BBC3: variants seen among roughly 807,000 people sequenced by gnomAD.
BBC3 encodes the protein BCL2 binding component 3, also known as bcl-2-binding component 3.
A neutral mutation model predicts 18.2 loss-of-function variants in BBC3; 5 were observed. The observed-to-expected ratio is 0.27, with a 90% CI of 0.14 to 0.58. BBC3 has a LOEUF of 0.58. Among genes scored for constraint, BBC3 ranks in the 20% least tolerant of loss-of-function variants. BBC3 has a pLI of 0.91. For synonymous variants in BBC3, 119 were observed against 128.0 expected (o/e 0.93, Z 0.47); for missense variants, 224 against 268.9 (o/e 0.83, Z 1.17).
Position 47,231,188 on chromosome 19 carries a change from G to C in BBC3, c.-275C>G. ...CCAGGCGCCCGCTCGCATGTGGCTC[G>C]CGCCGCGTCTCAGGCCGCCCGGCGG... On this transcript the variant is annotated 5_prime_UTR_variant, in exon 1 of 4. Transcript: ENST00000439096. The surrounding 1 kb of genome is among the most constrained non-coding windows in gnomAD (Gnocchi z 4.0). The C allele has an allele frequency of 1.0e-6, 1 of 983,400 alleles. No homozygotes were observed. The highest frequency in any genetic ancestry group is 1.8e-5 in the African/African-American group (1 of 56,994). 60.9% of individuals were successfully genotyped at this position (983,400 alleles called of 1,614,324 possible). A position where few individuals can be genotyped will look rare whatever the true frequency, so the allele number is the denominator to read the frequency against.
chr19:47,228,551 G>T lies in BBC3; in HGVS notation c.-15-105C>A. ...CCCAGATGGAGAAGAGTGGAGGTGT[G>T]TGTGCATGCGGAGGGGGTGACGGCC... On this transcript the variant is annotated intron_variant, in intron 1 of 3. Coordinates refer to ENST00000439096, the MANE Select transcript of BBC3 (RefSeq NM_014417.5). The surrounding 1 kb of genome is among the most constrained non-coding windows in gnomAD (Gnocchi z 5.5). 1 of 1,088,556 alleles carries T rather than the reference G, an allele frequency of 9.2e-7. No individual in the cohort carries two copies. Among genetic ancestry groups the T allele is most frequent in the Non-Finnish European group, 1.2e-6 (1 of 859,972 alleles). 67.4% of individuals were successfully genotyped at this position (1,088,556 alleles called of 1,614,324 possible).
Position 47,221,541 on chromosome 19 carries a change from C to T in BBC3, c.*261G>A, listed in dbSNP as rs914708259. On this transcript the variant is annotated 3_prime_UTR_variant, in exon 4 of 4. Transcript: ENST00000439096. Reference sequence around the variant, plus strand: ...GCTCAGTCCCCACCCCCTCGGTCACCGCCACCTTCCGATGCTGAGTCCATC... The same window carrying T: ...GCTCAGTCCCCACCCCCTCGGTCACTGCCACCTTCCGATGCTGAGTCCATC... 49 of 663,464 alleles carry T rather than the reference C, an allele frequency of 7.4e-5. No individual in the cohort carries two copies. Among genetic ancestry groups the T allele is most frequent in the Non-Finnish European group, 4.6e-5 (19 of 415,122 alleles). The allele number at this position is 663,464 out of a possible 1,614,324, so 41.1% of individuals were successfully genotyped here. A position where few individuals can be genotyped will look rare whatever the true frequency, so the allele number is the denominator to read the frequency against.
In BBC3 at chr19:47,228,375, G is replaced by A; in HGVS notation, c.57C>T (p.Arg19=). Residue 19 remains arginine, a synonymous_variant, in exon 2 of 4, where the codon CGC becomes CGT. Coordinates refer to ENST00000439096, the MANE Select transcript of BBC3 (RefSeq NM_014417.5). The surrounding 1 kb of genome is among the most constrained non-coding windows in gnomAD (Gnocchi z 5.5). ...SSPEPVEGLA[R]DGPRPFPLGR... ...CGAGCGGGAAGGGGCGCGGGCCGTC[G>A]CGGGCCAGGCCCTCTACGGGCTCCG... The A allele has an allele frequency of 8.1e-7, 1 of 1,231,380 alleles. No homozygotes were observed. Among genetic ancestry groups the A allele is most frequent in the Non-Finnish European group, 1.0e-6 (1 of 987,824 alleles). 76.3% of individuals were successfully genotyped at this position (1,231,380 alleles called of 1,614,324 possible). A position where few individuals can be genotyped will look rare whatever the true frequency, so the allele number is the denominator to read the frequency against.
intron 3 of BBC3, among the ~76,000 whole-genome samples, chr19:47,225,662 T>C (rs2058806544): frequency 1.3e-5 from 2 of 152,124 alleles, no homozygotes; most frequent in Admixed American, 1.3e-4. Flanking sequence ...TGGCTGAACA[T>C]AGATGAATGG....
At position 47,221,778 on chromosome 19, in the gene BBC3, C is replaced by T. The variant is rs765552886; in HGVS notation, c.*24G>A. ...AGGGGCCTGCCCCCCGAGTCCCTGA[C>T]GTCCACCGGGCGGGTGCAGGCACCT... On this transcript the variant is annotated 3_prime_UTR_variant, in exon 4 of 4. Coordinates refer to ENST00000439096, the MANE Select transcript of BBC3 (RefSeq NM_014417.5). 1.1e-5 allele frequency: 17 copies of T among 1,608,246 alleles called. No homozygotes were observed. Among genetic ancestry groups the T allele is most frequent in the East Asian group, 4.5e-5 (2 of 44,790 alleles).
intron 3 of BBC3, among the ~76,000 whole-genome samples, chr19:47,225,420 C>G (rs2058802924): frequency 1.3e-5 from 2 of 151,832 alleles, no homozygotes; most frequent in South Asian, 4.2e-4. Context: ...TTCAGTGACC[C>G]TTCATGGCTC....
rs905043497 is a variant in BBC3 at position 47,230,400 on chromosome 19, G to A, written c.-16+529C>T. Among the ~76,000 whole-genome samples, 5 of 148,742 alleles carry A rather than the reference G, an allele frequency of 3.4e-5. No individual in the cohort carries two copies. Among genetic ancestry groups the A allele is most frequent in the Middle Eastern group, 6.9e-3 (2 of 290 alleles). ...CCAGACACCCCCCTCCGCTGTCACA[G>A]CCCCCCCCACCGCCGCCACGTGCGC... On this transcript the variant is annotated intron_variant, in intron 1 of 3. Coordinates refer to ENST00000439096, the MANE Select transcript of BBC3 (RefSeq NM_014417.5). This position sits in a 1 kb window ranked among gnomAD's most constrained non-coding sequence, Gnocchi z 6.7.
intron 3 of BBC3, among the ~76,000 whole-genome samples, chr19:47,223,974 A>G (rs1260307166): frequency 6.6e-6 from 1 of 152,134 alleles, no homozygotes. Flanking sequence ...GCACCCGGAA[A>G]TATGCATGAT....
chr19:47,225,521 T>C (rs990333885), intron 3 of BBC3, among the ~76,000 whole-genome samples: 6 of 152,004 alleles, frequency 3.9e-5, no homozygotes, highest in African/African-American at 1.5e-4. Context: ...CACACCCGGC[T>C]AATTTTTGTA....
Position 47,228,469 on chromosome 19 carries a change from C to G in BBC3, c.-15-23G>C. On this transcript the variant is annotated intron_variant, in intron 1 of 3. Coordinates refer to ENST00000439096, the MANE Select transcript of BBC3 (RefSeq NM_014417.5). This position sits in a 1 kb window ranked among gnomAD's most constrained non-coding sequence, Gnocchi z 5.5. Reference sequence around the variant, plus strand: ...GGCCTGCGGGACACGGGAGGAGGAGCAGGTCAGCAGGGAAGTACCAGGGCC... The same window carrying G: ...GGCCTGCGGGACACGGGAGGAGGAGGAGGTCAGCAGGGAAGTACCAGGGCC... 8.1e-7 allele frequency: 1 copy of G among 1,231,460 alleles called. No homozygotes were observed. The highest frequency in any genetic ancestry group is 1.0e-6 in the Non-Finnish European group (1 of 987,436). The allele number at this position is 1,231,460 out of a possible 1,614,324, so 76.3% of individuals were successfully genotyped here. A position where few individuals can be genotyped will look rare whatever the true frequency, so the allele number is the denominator to read the frequency against.
chr19:47,232,219 C>T (rs758565376), upstream of BBC3, among the ~76,000 whole-genome samples: 12 of 152,282 alleles, frequency 7.9e-5, no homozygotes, highest in African/African-American at 2.4e-4. Context: ...GGCGTTGTGG[C>T]GCATGCCTGT....
intron 3 of BBC3, among the ~76,000 whole-genome samples, chr19:47,224,030 T>C (rs558588077): frequency 1.3e-5 from 2 of 152,024 alleles, no homozygotes; most frequent in African/African-American, 4.8e-5. Flanking sequence ...CGCAGTGGCT[T>C]ACACCTGTAA....
rs1002478149 is a variant in BBC3, at chr19:47,231,192, C to A, written c.-279G>T. ...GCGCCCGCTCGCATGTGGCTCGCGC[C>A]GCGTCTCAGGCCGCCCGGCGGATCC... On this transcript the variant is annotated 5_prime_UTR_variant, in exon 1 of 4. Transcript: ENST00000439096. This position sits in a 1 kb window ranked among gnomAD's most constrained non-coding sequence, Gnocchi z 4.0. 4.7e-5 allele frequency: 46 copies of A among 983,184 alleles called. 1 individual carries two copies. In the South Asian group the frequency reaches 1.6e-3, roughly 35 times the overall value. 60.9% of individuals were successfully genotyped at this position (983,184 alleles called of 1,614,324 possible).
chr19:47,222,104 A>G, intron 3 of BBC3, 186 bp from the exon 4 acceptor site: 1 of 555,828 alleles, frequency 1.8e-6, no homozygotes, highest in East Asian at 3.2e-5. Flanking sequence ...ACCTGGAGGC[A>G]GAGGACAAAC....
At position 47,226,700 on chromosome 19, in the gene BBC3, C is replaced by T; in HGVS notation, c.329G>A (p.Ser110Asn). 1 of 1,475,266 alleles carries T rather than the reference C, an allele frequency of 6.8e-7. No homozygotes were observed. Among genetic ancestry groups the T allele is most frequent in the Non-Finnish European group, 9.0e-7 (1 of 1,116,054 alleles). 91.4% of individuals were successfully genotyped at this position (1,475,266 alleles called of 1,614,324 possible). The change falls in exon 3 of 4, where the codon AGC becomes AAC. Residue 110 changes from serine to asparagine, a missense_variant. Physicochemically the swap from Ser to Asn is conservative, Grantham distance 46. Coordinates refer to ENST00000439096, the MANE Select transcript of BBC3 (RefSeq NM_014417.5). ...ACCGCCCGCCAGAGCCCCCGGGGCGCTGGGCACGGGCGACTCCAGGTGCTG... is the reference window on the plus strand; with the variant it reads ...ACCGCCCGCCAGAGCCCCCGGGGCGTTGGGCACGGGCGACTCCAGGTGCTG... ...AEQHLESPVP[S>N]APGALAGGPT...
In BBC3 at chr19:47,226,638, C is replaced by A; in HGVS notation, c.391G>T (p.Glu131Ter). Residue 131 changes from glutamate (E) to a stop codon, truncating the protein, a stop_gained, in exon 3 of 4, where the codon GAA (glutamate) becomes TAA (stop). Transcript: ENST00000439096. LOFTEE classifies it high-confidence loss of function. Reference sequence around the variant, plus strand: ...GCCCCGATCTCCCGGGCCCACTGTTCCTCCTCCCCGCGGACTCCCGGGGCC... The same window carrying A: ...GCCCCGATCTCCCGGGCCCACTGTTACTCCTCCCCGCGGACTCCCGGGGCC... ...QAAPGVRGEE[E>*]QWAREIGAQL... The A allele has an allele frequency of 6.4e-7, 1 of 1,555,054 alleles. No individual in the cohort carries two copies.
In BBC3 at chr19:47,228,148, G is replaced by A; in HGVS notation, c.274+10C>T. On this transcript the variant is annotated intron_variant, in intron 2 of 3. Transcript: ENST00000439096. The surrounding 1 kb of genome is among the most constrained non-coding windows in gnomAD (Gnocchi z 5.5). Reference sequence around the variant, plus strand: ...GCTCCTATCACCCCGGGGGCGGGGCGGGCACTCACCGTCCGGGCGCGGGCC... The same window carrying A: ...GCTCCTATCACCCCGGGGGCGGGGCAGGCACTCACCGTCCGGGCGCGGGCC... 1 of 1,229,216 alleles carries A rather than the reference G, an allele frequency of 8.1e-7. No individual in the cohort carries two copies. The highest frequency in any genetic ancestry group is 3.2e-5 in the East Asian group (1 of 31,726). 76.1% of individuals were successfully genotyped at this position (1,229,216 alleles called of 1,614,324 possible). A position where few individuals can be genotyped will look rare whatever the true frequency, so the allele number is the denominator to read the frequency against.
chr19:47,230,902 G>C lies in BBC3; in HGVS notation c.-16+27C>G. 4 of 982,788 alleles carry C rather than the reference G, an allele frequency of 4.1e-6. No homozygotes were observed. Among genetic ancestry groups the C allele is most frequent in the Non-Finnish European group, 4.8e-6 (4 of 827,710 alleles). 60.9% of individuals were successfully genotyped at this position (982,788 alleles called of 1,614,324 possible). A position where few individuals can be genotyped will look rare whatever the true frequency, so the allele number is the denominator to read the frequency against. ...CACCCGGCCTGGCCGATCGCCGCCG[G>C]AGAGGATTCGGGGCGCGCACACTCA... is the stretch of plus-strand genomic sequence containing the variant. On this transcript the variant is annotated intron_variant, in intron 1 of 3. Transcript: ENST00000439096. The surrounding 1 kb of genome is among the most constrained non-coding windows in gnomAD (Gnocchi z 6.7).
Position 47,226,679 on chromosome 19 carries a change from C to A in BBC3, c.350G>T (p.Gly117Val). 3 of 1,500,090 alleles carry A rather than the reference C, an allele frequency of 2.0e-6. No homozygotes were observed. Among genetic ancestry groups the A allele is most frequent in the Non-Finnish European group, 1.8e-6 (2 of 1,126,308 alleles). 92.9% of individuals were successfully genotyped at this position (1,500,090 alleles called of 1,614,324 possible). ...PVPSAPGALA[G>V]GPTQAAPGVR... ...TCCCGGGGCCGCCTGGGTGGGACCG[C>A]CCGCCAGAGCCCCCGGGGCGCTGGG... Residue 117 changes from glycine to valine, a missense_variant, in exon 3 of 4, where the codon GGC (glycine) becomes GTC (valine). Physicochemically the swap from Gly to Val is moderately radical, Grantham distance 109. Coordinates refer to ENST00000439096, the MANE Select transcript of BBC3 (RefSeq NM_014417.5).
Sources: gnomAD v4.1 joint callset for allele counts (sites outside exome capture counted in the v4.1 genomes callset) on GRCh38, gnomAD v4.1.1 for gene constraint, Gnocchi (gnomAD v3.1) non-coding constraint, MANE v1.5 for transcripts, NCBI Gene and HGNC (gene_info 2026-07-23, HGNC 2026-07-21) for gene names.